The following TEF variants were observed in gnomAD, a reference collection of about 807,000 sequenced individuals.
TEF encodes TEF transcription factor, PAR bZIP family member.
TEF carries 3 observed loss-of-function variants against 20.8 expected under a neutral mutation model. That is an observed-to-expected ratio of 0.14 (90% CI 0.07 to 0.37). TEF has a LOEUF of 0.37. TEF is among the 10% of genes least tolerant of loss of function. The pLI, the probability that TEF is intolerant of heterozygous loss-of-function variation, is 1.00. For missense variants in TEF, 296 were observed against 397.9 expected, an observed-to-expected ratio of 0.74 and a Z score of 2.18; for synonymous variants, 180 against 171.1, an observed-to-expected ratio of 1.05 and a Z score of -0.41.
Position 41,382,023 on chromosome 22 carries a change from C to A in TEF, c.-22C>A. The A allele has an allele frequency of 1.6e-6, 2 of 1,229,278 alleles. No homozygotes were observed. Among genetic ancestry groups the A allele is most frequent in the African/African-American group, 1.6e-5 (1 of 64,132 alleles). 76.1% of individuals were successfully genotyped at this position (1,229,278 alleles called of 1,614,324 possible). A position where few individuals can be genotyped will look rare whatever the true frequency, so the allele number is the denominator to read the frequency against. The stretch of plus-strand genomic sequence containing the variant: ...GGGGGCGGGCGGGGGAGGCGAGGTG[C>A]GCGAGCCGAGTCCGGGGCACGATGT... On this transcript the variant is annotated 5_prime_UTR_variant, in exon 1 of 4. Coordinates refer to ENST00000266304, the MANE Select transcript of TEF (RefSeq NM_003216.4).
chr22:41,371,132 G>C (rs754160740), intron 1 of TEF, among the ~76,000 whole-genome samples: 3 of 152,164 alleles, frequency 2.0e-5, no homozygotes, highest in Admixed American at 6.5e-5. Flanking sequence ...AGCTCTTAAC[G>C]TCTTTCTCTT....
At chr22:41,372,060 T>A (rs922284819) in intron 1 of TEF, among the ~76,000 whole-genome samples, 26 of 152,278 alleles carry the variant, frequency 1.7e-4, no homozygotes, top group African/African-American at 6.0e-4. Flanking sequence ...ATCGAGGAGT[T>A]TGCTTTCAGG....
In TEF at chr22:41,395,727, G is replaced by T; in HGVS notation, c.697-18G>T. 3 of 1,608,912 alleles carry T rather than the reference G, an allele frequency of 1.9e-6. No individual in the cohort carries two copies. Among genetic ancestry groups the T allele is most frequent in the Non-Finnish European group, 1.7e-6 (2 of 1,175,772 alleles). The stretch of plus-strand genomic sequence containing the variant: ...CGTGGGGAAAGACGAGAGACTCACA[G>T]AGGGCACTTCCCCACAGGATGAAAA... On this transcript the variant is annotated intron_variant, in intron 3 of 3. Coordinates refer to ENST00000266304, the MANE Select transcript of TEF (RefSeq NM_003216.4).
intron 1 of TEF, chr22:41,367,695 G>A (rs933426434): frequency 7.9e-6 from 10 of 1,266,414 alleles, no homozygotes; most frequent in Admixed American, 2.1e-5. Flanking sequence ...GCATCTCCAA[G>A]CCAGGGAGGG....
At chr22:41,391,476 C>G (rs1320155307) in intron 2 of TEF, among the ~76,000 whole-genome samples, 2 of 151,474 alleles carry the variant, frequency 1.3e-5, no homozygotes, top group Middle Eastern at 3.2e-3. Flanking sequence ...CAGGCACGGC[C>G]GGCTACTTTT....
chr22:41,382,775 G>C (rs760637985), intron 1 of TEF, among the ~76,000 whole-genome samples: 27 of 151,912 alleles, frequency 1.8e-4, no homozygotes, highest in Non-Finnish European at 3.2e-4. Flanking sequence ...GGCTTCTGCT[G>C]AGCGGGTGGG....
At position 41,394,214 on chromosome 22, in the gene TEF, G is replaced by A. The variant is rs1368293617; in HGVS notation, c.594G>A (p.Gly198=). ...TGGTGCTCTCCAGTGTGCCAGGCGG[G>A]GAGCTCTTCAACCCTCGGAAGCACA... ...ADLVLSSVPG[G]ELFNPRKHKF... is the part of the protein sequence containing the mutation. The change falls in exon 3 of 4, where the codon GGG becomes GGA. Residue 198 remains glycine (G), a synonymous_variant. Coordinates refer to ENST00000266304, the MANE Select transcript of TEF (RefSeq NM_003216.4). 1.2e-6 allele frequency: 2 copies of A among 1,614,042 alleles called. No individual in the cohort carries two copies. Among genetic ancestry groups the A allele is most frequent in the African/African-American group, 1.3e-5 (1 of 74,916 alleles).
At chr22:41,392,134 C>T (rs2037174280) in intron 2 of TEF, among the ~76,000 whole-genome samples, 1 of 152,112 alleles carries the variant, frequency 6.6e-6, no homozygotes, top group Admixed American at 6.6e-5. Context: ...ATGAGCTGGC[C>T]AAAGGTATAG....
chr22:41,395,092 C>G (rs991079594), intron 3 of TEF, among the ~76,000 whole-genome samples: 2 of 152,082 alleles, frequency 1.3e-5, no homozygotes, highest in African/African-American at 4.8e-5. Context: ...CTGCAACTTC[C>G]GCCTCCCAGG....
At chr22:41,370,272 G>A (rs1364376947) in intron 1 of TEF, among the ~76,000 whole-genome samples, 2 of 151,598 alleles carry the variant, frequency 1.3e-5, no homozygotes, top group Admixed American at 6.6e-5. Flanking sequence ...CCGCCACCAC[G>A]CCAGGCTAAT....
chr22:41,390,866 C>G (rs1335378237), intron 2 of TEF, among the ~76,000 whole-genome samples: 1 of 152,140 alleles, frequency 6.6e-6, no homozygotes. Context: ...ATCTTGTCCC[C>G]AGGCCTCTTT....
intron 1 of TEF, chr22:41,367,726 T>G: frequency 2.2e-6 from 2 of 912,336 alleles, no homozygotes; most frequent in Non-Finnish European, 3.3e-6. Flanking sequence ...GGTGCGCCCT[T>G]GGTCTCAGGG....
At chr22:41,386,187 C>A (rs1407236998) in intron 1 of TEF, among the ~76,000 whole-genome samples, 1 of 152,166 alleles carries the variant, frequency 6.6e-6, no homozygotes, top group Non-Finnish European at 1.5e-5. Context: ...GCCTGTAATC[C>A]CATCACTTTG....
intron 3 of TEF, among the ~76,000 whole-genome samples, chr22:41,394,582 G>A (rs1243182875): frequency 6.6e-6 from 1 of 152,214 alleles, no homozygotes; most frequent in Non-Finnish European, 1.5e-5. Context: ...CTCCCTGGCT[G>A]TAGCCCAGCC....
chr22:41,390,493 A>ATTTTTTTTTTTTTTTTT (rs2037151111), intron 2 of TEF, among the ~76,000 whole-genome samples: 1 of 131,068 alleles, frequency 7.6e-6, no homozygotes, highest in Non-Finnish European at 1.6e-5. Context: ...TCTCATTGTC[A>ATTTTTTTTTTTTTTTTT]TCTTTTTTTT....
At chr22:41,385,501 C>T (rs951790469) in intron 1 of TEF, among the ~76,000 whole-genome samples, 1 of 152,082 alleles carries the variant, frequency 6.6e-6, no homozygotes, top group Non-Finnish European at 1.5e-5. Context: ...AAATGGGACT[C>T]CTCCCTGGGC....
chr22:41,389,063 C>T (rs117530017), intron 2 of TEF, among the ~76,000 whole-genome samples: 2,937 of 152,094 alleles, frequency 0.019, 56 homozygotes, highest in South Asian at 0.083. Flanking sequence ...CTAAAGTTGA[C>T]AATAAATCCA....
intron 1 of TEF, 148 bp downstream of exon 1, chr22:41,382,349 A>G (rs953336875): frequency 5.8e-6 from 4 of 683,804 alleles, no homozygotes; most frequent in African/African-American, 5.7e-5. Context: ...AGCCTGGAGG[A>G]CGAGGCCGGG....
chr22:41,375,743 T>G (rs79244684), intron 1 of TEF, among the ~76,000 whole-genome samples: 2 of 150,980 alleles, frequency 1.3e-5, no homozygotes, highest in Admixed American at 1.3e-4. Flanking sequence ...AAAAAAAAAT[T>G]GCTCCAAATG....
Sources: allele counts gnomAD v4.1 joint callset (sites outside exome capture counted in the v4.1 genomes callset), GRCh38; gene constraint gnomAD v4.1.1; transcripts MANE v1.5; gene names NCBI Gene and HGNC (gene_info 2026-07-23, HGNC 2026-07-21).